SLC12A7: variants seen among roughly 807,000 people sequenced by gnomAD.
SLC12A7 encodes solute carrier family 12 member 7.
SLC12A7 carries 100 observed loss-of-function variants against 120.6 expected under a neutral mutation model. The observed-to-expected ratio is 0.83, with a 90% CI of 0.71 to 0.98. The LOEUF (loss-of-function observed/expected upper bound fraction) is 0.98, where lower values mean the gene tolerates loss of function less well. Among genes scored for constraint, SLC12A7 ranks in the 50% least tolerant of loss-of-function variants. The pLI is 0.00. For missense variants in SLC12A7, 1,373 were observed against 1,548.1 expected (o/e 0.89, Z 1.90); for synonymous variants, 760 against 678.0 (o/e 1.12, Z -1.88).
At chr5:1,092,315 C>A (rs1165255530) in intron 3 of SLC12A7, among the ~76,000 whole-genome samples, 1 of 152,242 alleles carries the variant, frequency 6.6e-6, no homozygotes, top group Non-Finnish European at 1.5e-5. Context: ...CGACGCAAAG[C>A]GCAGAGCCCA....
the SLC12A7 span, among the ~76,000 whole-genome samples, chr5:1,144,551 G>C: frequency 4.2e-3 from 635 of 152,308 alleles, 7 homozygotes; most frequent in African/African-American, 0.014. Context: ...TGGAGGGCAC[G>C]GTGAGGTCAC....
At chr5:1,119,007 C>T in the SLC12A7 span, among the ~76,000 whole-genome samples, 1 of 152,194 alleles carries the variant, frequency 6.6e-6, no homozygotes, top group East Asian at 1.9e-4. Flanking sequence ...GAGGGAGGGG[C>T]ACAGACGACT....
intron 20 of SLC12A7, among the ~76,000 whole-genome samples, chr5:1,063,454 C>T (rs936983907): frequency 2.0e-5 from 3 of 152,134 alleles, no homozygotes; most frequent in South Asian, 2.1e-4. Context: ...ATGCTGATGC[C>T]GGCTCTAGGG....
At position 1,053,539 on chromosome 5, in the gene SLC12A7, C is replaced by T. The variant is rs574548690; in HGVS notation, c.3027-57G>A. ...GCGGGTGCACCCCACGCTCCGGACA[C>T]GAGGCTGAGCTGAGCCCTGATGAGC... On this transcript the variant is annotated intron_variant, in intron 22 of 23. Transcript: ENST00000264930. 5.7e-5 allele frequency: 91 copies of T among 1,589,388 alleles called. No individual in the cohort carries two copies. In the Admixed American group the frequency reaches 1.2e-3, roughly 21 times the overall value.
chr5:1,148,554 A>G, the SLC12A7 span, among the ~76,000 whole-genome samples: 1 of 152,212 alleles, frequency 6.6e-6, no homozygotes, highest in Non-Finnish European at 1.5e-5. Context: ...ATGTACTATC[A>G]AAATGTTATA....
chr5:1,094,782 G>A (rs544033746), intron 1 of SLC12A7, among the ~76,000 whole-genome samples: 8 of 152,314 alleles, frequency 5.3e-5, no homozygotes, highest in Admixed American at 4.6e-4. Context: ...GTTCCCTGTT[G>A]AGGACGCCGC....
the SLC12A7 span, among the ~76,000 whole-genome samples, chr5:1,149,304 C>T: frequency 1.2e-4 from 18 of 152,328 alleles, no homozygotes; most frequent in East Asian, 3.9e-4. Flanking sequence ...TGGCCAGGCG[C>T]GGCGGCTCAC....
At chr5:1,130,619 G>GCGGCTGCCCGCGCAGGTCCCCTCACC in the SLC12A7 span, among the ~76,000 whole-genome samples, 24 of 150,686 alleles carry the variant, frequency 1.6e-4, no homozygotes, top group African/African-American at 4.9e-4. Flanking sequence ...CTTAGCCAGG[G>GCGGCTGCCCGCGCAGGTCCCCTCACC]TGGGGGCAGC....
At chr5:1,149,820 G>A in the SLC12A7 span, among the ~76,000 whole-genome samples, 1 of 152,144 alleles carries the variant, frequency 6.6e-6, no homozygotes, top group African/African-American at 2.4e-5. Context: ...CCTGATGTCA[G>A]GAGTTTGAGA....
At chr5:1,114,859 G>A (rs1304086061), upstream of SLC12A7, among the ~76,000 whole-genome samples, 1 of 152,176 alleles carries the variant, frequency 6.6e-6, no homozygotes, top group Non-Finnish European at 1.5e-5. Context: ...GGAGCAAAAT[G>A]GTGATTTTCC....
upstream of SLC12A7, among the ~76,000 whole-genome samples, chr5:1,116,509 A>T (rs756139546): frequency 2.0e-5 from 3 of 152,176 alleles, no homozygotes; most frequent in Non-Finnish European, 2.9e-5. Flanking sequence ...ACTGTAAGTG[A>T]CGCCAACAGA....
At chr5:1,064,901 C>CGAGGAGATGGTGAGGGGACA (rs1554012926) in intron 18 of SLC12A7, among the ~76,000 whole-genome samples, 97 of 28,414 alleles carry the variant, frequency 3.4e-3, no homozygotes, top group African/African-American at 0.011. Flanking sequence ...GTGAGGGGAC[C>CGAGGAGATGGTGAGGGGACA]GCGAGGGGAC....
At chr5:1,076,915 AC>A in intron 12 of SLC12A7, 103 bp from the exon 13 acceptor site, 1 of 791,190 alleles carries the variant, frequency 1.3e-6, no homozygotes, top group Non-Finnish European at 2.2e-6. Context: ...AAAGACACAG[AC>A]CAGCAGAAAC....
At chr5:1,152,300 A>G in the SLC12A7 span, among the ~76,000 whole-genome samples, 1 of 152,216 alleles carries the variant, frequency 6.6e-6, no homozygotes, top group Non-Finnish European at 1.5e-5. Flanking sequence ...GGGGGCAGTC[A>G]TGCCTGCAAG....
intron 3 of SLC12A7, among the ~76,000 whole-genome samples, chr5:1,091,633 G>C (rs1284441098): frequency 1.3e-5 from 2 of 152,194 alleles, no homozygotes; most frequent in Admixed American, 6.5e-5. Flanking sequence ...AAGGTGCTGA[G>C]TGCTGAGCCC....
chr5:1,130,620 T>C, the SLC12A7 span, among the ~76,000 whole-genome samples: 60,696 of 133,100 alleles, frequency 0.46, 14,075 homozygotes, highest in South Asian at 0.52. Flanking sequence ...TTAGCCAGGG[T>C]GGGGGCAGCA....
chr5:1,060,256 G>A, intron 21 of SLC12A7, 88 bp downstream of exon 21: 1 of 988,822 alleles, frequency 1.0e-6, no homozygotes, highest in Non-Finnish European at 1.6e-6. Flanking sequence ...GGACCCTCGT[G>A]GGCTGCAGGA....
chr5:1,153,675 C>T, the SLC12A7 span, among the ~76,000 whole-genome samples: 1 of 152,208 alleles, frequency 6.6e-6, no homozygotes, highest in Non-Finnish European at 1.5e-5. Context: ...GGCCTGAGGA[C>T]GCCCGAGAAC....
At chr5:1,111,630 C>T (rs1449257424) in intron 1 of SLC12A7, among the ~76,000 whole-genome samples, 2 of 152,180 alleles carry the variant, frequency 1.3e-5, no homozygotes, top group African/African-American at 4.8e-5. Context: ...CACACCTCTG[C>T]CCCCGGTCCC....
Sources: allele counts gnomAD v4.1 joint callset (sites outside exome capture counted in the v4.1 genomes callset), GRCh38; gene constraint gnomAD v4.1.1; transcripts MANE v1.5; gene names NCBI Gene and HGNC (gene_info 2026-07-23, HGNC 2026-07-21).